The following TAF2 variants were observed in gnomAD, a reference collection of about 807,000 sequenced individuals.
TAF2 encodes the protein TATA-box binding protein associated factor 2, also known as transcription initiation factor TFIID subunit 2.
TAF2 carries 61 observed loss-of-function variants against 138.5 expected under a neutral mutation model. The observed-to-expected ratio is 0.44, with a 90% CI of 0.36 to 0.54. The LOEUF is 0.54. Ranked by LOEUF, TAF2 falls within the 20% of genes least tolerant of loss-of-function variation. TAF2 has a pLI of 0.00. For synonymous variants in TAF2, 475 were observed against 469.9 expected, an observed-to-expected ratio of 1.01 and a Z score of -0.14; for missense variants, 1,090 against 1,427.9, an observed-to-expected ratio of 0.76 and a Z score of 3.81.
intron 22 of TAF2, among the ~76,000 whole-genome samples, chr8:119,751,826 C>G (rs987836683): frequency 1.3e-5 from 2 of 152,130 alleles, no homozygotes; most frequent in African/African-American, 4.8e-5. Flanking sequence ...TGTAAAAGGT[C>G]CTTGTCTTTA....
chr8:119,739,583 T>A (rs886318961), intron 25 of TAF2, among the ~76,000 whole-genome samples: 12 of 151,896 alleles, frequency 7.9e-5, no homozygotes, highest in Non-Finnish European at 1.5e-4. Context: ...ATATTCTTTT[T>A]CTATCCCTCC....
chr8:119,769,860 C>T (rs1304856236), intron 18 of TAF2, among the ~76,000 whole-genome samples: 4 of 151,512 alleles, frequency 2.6e-5, no homozygotes, highest in Non-Finnish European at 4.4e-5. Flanking sequence ...CGGGTTCAAG[C>T]GATTATCCTG....
chr8:119,770,074 T>TA (rs397704888), intron 18 of TAF2, among the ~76,000 whole-genome samples: 2 of 150,880 alleles, frequency 1.3e-5, no homozygotes, highest in African/African-American at 4.9e-5. Flanking sequence ...TTTTTTTTTT[T>TA]AAATGAACAA....
chr8:119,828,528 G>A (rs889886285), intron 2 of TAF2, among the ~76,000 whole-genome samples: 1 of 152,100 alleles, frequency 6.6e-6, no homozygotes, highest in African/African-American at 2.4e-5. Context: ...ACCCAATAAA[G>A]ATATAAACAG....
At chr8:119,831,142 C>T (rs927430684) in intron 2 of TAF2, among the ~76,000 whole-genome samples, 1 of 152,074 alleles carries the variant, frequency 6.6e-6, no homozygotes, top group Non-Finnish European at 1.5e-5. Flanking sequence ...CTTGAATGTT[C>T]AAGCTTTTTC....
intron 5 of TAF2, 145 bp from the exon 6 acceptor site, chr8:119,802,170 C>T: frequency 1.5e-6 from 1 of 674,332 alleles, no homozygotes; most frequent in Non-Finnish European, 2.5e-6. Flanking sequence ...TACTGTACAA[C>T]CTGAAAAAAA....
chr8:119,742,617 A>G lies in TAF2; in HGVS notation c.3254T>C (p.Leu1085Ser), dbSNP rs1307727384. 7 of 1,614,024 alleles carry G rather than the reference A, an allele frequency of 4.3e-6. No individual in the cohort carries two copies. Among genetic ancestry groups the G allele is most frequent in the Non-Finnish European group, 3.4e-6 (4 of 1,179,986 alleles). The change falls in exon 25 of 26, where the codon TTA (leucine) becomes TCA (serine). Residue 1085 changes from leucine to serine, a missense_variant. By Grantham distance (145) the Leu-to-Ser change is moderately radical. Transcript: ENST00000378164. ...ACAGCCTGCTGAGTGCTGGGGTATT[A>G]AAGCAGATCGGGAGCTAGCTGGCCG... ...KYRPASSRSALIPQHSAGCDS... is the reference protein window; with the variant it reads ...KYRPASSRSASIPQHSAGCDS...
At chr8:119,800,187 C>T (rs1345703926) in intron 6 of TAF2, among the ~76,000 whole-genome samples, 4 of 152,082 alleles carry the variant, frequency 2.6e-5, no homozygotes, top group Admixed American at 1.3e-4. Flanking sequence ...GTTGCCATTG[C>T]TTTTGGTGTT....
chr8:119,759,185 C>G (rs1363059402), intron 20 of TAF2, among the ~76,000 whole-genome samples: 3 of 152,030 alleles, frequency 2.0e-5, no homozygotes, highest in Non-Finnish European at 4.4e-5. Flanking sequence ...AACAAAATCA[C>G]TGTTTTTATA....
chr8:119,826,481 G>A (rs1826107211), intron 2 of TAF2, among the ~76,000 whole-genome samples: 1 of 152,100 alleles, frequency 6.6e-6, no homozygotes. Flanking sequence ...TTAGCAGCGT[G>A]AAAATGGACA....
At position 119,760,831 on chromosome 8, in the gene TAF2, A is replaced by G. The variant is rs1821013955; in HGVS notation, c.2559-93T>C. 5.9e-6 allele frequency: 9 copies of G among 1,532,776 alleles called. No individual in the cohort carries two copies. In the South Asian group the frequency reaches 9.0e-5, roughly 15 times the overall value. The allele number at this position is 1,532,776 out of a possible 1,614,324, so 94.9% of individuals were successfully genotyped here. A position where few individuals can be genotyped will look rare whatever the true frequency, so the allele number is the denominator to read the frequency against. ...ATTAGAGAATCCTTTGTGGCAATCA[A>G]TTTAAAAACTGATGTGATTTTAATC... On this transcript the variant is annotated intron_variant, in intron 19 of 25. Transcript: ENST00000378164.
intron 3 of TAF2, among the ~76,000 whole-genome samples, chr8:119,814,172 C>T (rs1206030651): frequency 1.3e-5 from 2 of 151,652 alleles, no homozygotes; most frequent in African/African-American, 2.4e-5. Context: ...TGAGCCCTGC[C>T]GAACTGGAAG....
In TAF2 at chr8:119,816,508, T is replaced by C. The variant is rs184838418; in HGVS notation, c.299+2838A>G. On this transcript the variant is annotated intron_variant, in intron 3 of 25. Transcript: ENST00000378164. ...GGTAAAATCAAATTTACCACGGAAT[T>C]TGATGTTTCACTTTTAATTTCAAAA... Among the ~76,000 whole-genome samples, 25 of 152,340 alleles carry C rather than the reference T, an allele frequency of 1.6e-4. No individual in the cohort carries two copies. The East Asian group carries it at 2.9e-3, about 18-fold the overall frequency.
At chr8:119,788,184 C>T (rs1823159314) in intron 14 of TAF2, among the ~76,000 whole-genome samples, 154 bp downstream of exon 14, 1 of 151,944 alleles carries the variant, frequency 6.6e-6, no homozygotes, top group Admixed American at 6.6e-5. Context: ...ACGTGTACAC[C>T]TATGTAACAA....
At chr8:119,816,040 C>T (rs1825442228) in intron 3 of TAF2, among the ~76,000 whole-genome samples, 1 of 151,002 alleles carries the variant, frequency 6.6e-6, no homozygotes, top group East Asian at 1.9e-4. Flanking sequence ...CCACTGTAAG[C>T]ACACTCTTTC....
At chr8:119,780,086 TTC>T (rs796331759) in intron 17 of TAF2, among the ~76,000 whole-genome samples, 1 of 152,168 alleles carries the variant, frequency 6.6e-6, no homozygotes, top group Non-Finnish European at 1.5e-5. Context: ...GCTTCATTAG[TTC>T]TCTCTACTTC....
chr8:119,800,687 A>G (rs949882403), intron 6 of TAF2, among the ~76,000 whole-genome samples: 9 of 152,216 alleles, frequency 5.9e-5, no homozygotes, highest in African/African-American at 2.2e-4. Flanking sequence ...AACCAACACA[A>G]AATATCCTGA....
chr8:119,788,343 A>G lies in TAF2; in HGVS notation c.1788T>C (p.Ser596=). The G allele has an allele frequency of 6.2e-7, 1 of 1,610,986 alleles. No homozygotes were observed. The highest frequency in any genetic ancestry group is 8.5e-7 in the Non-Finnish European group (1 of 1,177,390). ...LKHDIPCHSK[S]RRNKKKKIPL... The stretch of plus-strand genomic sequence containing the variant: ...AGTTATTATGTAATGCCTACCTTCT[A>G]CTTTTGGAATGGCAGGGTATATCAT... Residue 596 remains serine, a synonymous_variant, in exon 14 of 26, where the codon AGT becomes AGC. Coordinates refer to ENST00000378164, the MANE Select transcript of TAF2 (RefSeq NM_003184.4).
chr8:119,750,567 T>C (rs1820280351), intron 22 of TAF2, among the ~76,000 whole-genome samples: 1 of 152,138 alleles, frequency 6.6e-6, no homozygotes, highest in African/African-American at 2.4e-5. Flanking sequence ...AACAGCAAAC[T>C]CATTTCTATT....
Sources: allele counts gnomAD v4.1 joint callset (sites outside exome capture counted in the v4.1 genomes callset), GRCh38; gene constraint gnomAD v4.1.1; transcripts MANE v1.5; gene names NCBI Gene and HGNC (gene_info 2026-07-23, HGNC 2026-07-21).